The following NCOR2 variants were observed in gnomAD, a reference collection of about 807,000 sequenced individuals.
The protein encoded by NCOR2 is nuclear receptor corepressor 2.
NCOR2 carries 81 observed loss-of-function variants against 262.9 expected under a neutral mutation model. The observed-to-expected ratio is 0.31, with a 90% CI of 0.26 to 0.37. The LOEUF is 0.37. Ranked by LOEUF, NCOR2 falls within the 10% of genes least tolerant of loss-of-function variation. The pLI is 1.00. For synonymous variants in NCOR2, 1,659 were observed against 1,559.3 expected (o/e 1.06, Z -1.51); for missense variants, 3,385 against 3,621.4 (o/e 0.93, Z 1.68).
At chr12:124,384,416 T>G (rs2040639320) in intron 17 of NCOR2, among the ~76,000 whole-genome samples, 1 of 152,146 alleles carries the variant, frequency 6.6e-6, no homozygotes, top group African/African-American at 2.4e-5. Flanking sequence ...CAGGGGCCAA[T>G]GTGGAGGGCA....
intron 7 of NCOR2, among the ~76,000 whole-genome samples, chr12:124,448,851 C>T (rs1156887898): frequency 1.3e-5 from 2 of 152,200 alleles, no homozygotes; most frequent in African/African-American, 4.8e-5. Context: ...TCGGACCGGG[C>T]TGAACTACCC....
upstream of NCOR2, among the ~76,000 whole-genome samples, chr12:124,498,853 A>G (rs2048522675): frequency 6.6e-6 from 1 of 152,192 alleles, no homozygotes; most frequent in Non-Finnish European, 1.5e-5. Flanking sequence ...CATAACCAGA[A>G]AATGTCATGC....
At chr12:124,498,175 C>T (rs1424033398), upstream of NCOR2, among the ~76,000 whole-genome samples, 1 of 152,178 alleles carries the variant, frequency 6.6e-6, no homozygotes, top group African/African-American at 2.4e-5. Context: ...TTTTGAGTTG[C>T]ACAAGGTGGC....
intron 1 of NCOR2, among the ~76,000 whole-genome samples, chr12:124,500,373 C>A (rs747064421): frequency 7.2e-5 from 11 of 152,194 alleles, no homozygotes; most frequent in Non-Finnish European, 1.3e-4. Flanking sequence ...AAGTGCCCCC[C>A]GCCCCCACTG....
At chr12:124,520,099 C>A (rs1015112838) in intron 1 of NCOR2, among the ~76,000 whole-genome samples, 1 of 152,170 alleles carries the variant, frequency 6.6e-6, no homozygotes, top group Non-Finnish European at 1.5e-5. Flanking sequence ...GCTGCGGAGG[C>A]CCCTGGAAGC....
At chr12:124,499,794 G>A (rs7298780), upstream of NCOR2, among the ~76,000 whole-genome samples, 14 of 152,178 alleles carry the variant, frequency 9.2e-5, no homozygotes, top group African/African-American at 3.1e-4. Flanking sequence ...GGTTGCGGGG[G>A]AGAGTAAAGG....
chr12:124,562,370 C>G (rs2052100902), intron 1 of NCOR2: 2 of 152,212 alleles, frequency 1.3e-5, no homozygotes, highest in South Asian at 4.1e-4. Context: ...TCTTTCCCTC[C>G]CTTTTAAGAA....
intron 3 of NCOR2, among the ~76,000 whole-genome samples, chr12:124,480,719 G>A (rs916380825): frequency 6.6e-6 from 1 of 151,926 alleles, no homozygotes; most frequent in African/African-American, 2.4e-5. Flanking sequence ...AATGGCCACG[G>A]GCCAAGCACC....
intron 46 of NCOR2, among the ~76,000 whole-genome samples, chr12:124,325,878 C>T (rs1405730106): frequency 6.6e-6 from 1 of 152,130 alleles, no homozygotes; most frequent in Non-Finnish European, 1.5e-5. Context: ...TGAGCATTTC[C>T]CTTCCGAAAG....
chr12:124,484,435 C>T (rs557720389), intron 2 of NCOR2, among the ~76,000 whole-genome samples: 5 of 152,340 alleles, frequency 3.3e-5, no homozygotes, highest in African/African-American at 4.8e-5. Flanking sequence ...GCACACCCCA[C>T]GGAGCTGGGA....
At chr12:124,337,280 CT>C (rs1486429047) in intron 37 of NCOR2, 100 bp from the exon 40 acceptor site, 1 of 1,361,532 alleles carries the variant, frequency 7.3e-7, no homozygotes, top group Admixed American at 2.0e-5. Flanking sequence ...TCCACATCCC[CT>C]GCTGCTCCCA....
upstream of NCOR2, among the ~76,000 whole-genome samples, chr12:124,499,471 C>G (rs915027504): frequency 2.6e-5 from 4 of 151,426 alleles, no homozygotes; most frequent in Admixed American, 1.3e-4. Context: ...CCAGGAGATA[C>G]GAGGAAGAAG....
intron 16 of NCOR2, among the ~76,000 whole-genome samples, chr12:124,387,327 C>G (rs976641860): frequency 6.8e-6 from 1 of 148,062 alleles, no homozygotes; most frequent in Non-Finnish European, 1.5e-5. Context: ...ATCAACACAT[C>G]AGCCCGTGGC....
At chr12:124,489,174 T>C (rs952201489) in intron 1 of NCOR2, among the ~76,000 whole-genome samples, 1 of 151,872 alleles carries the variant, frequency 6.6e-6, no homozygotes, top group Non-Finnish European at 1.5e-5. Context: ...AGGGGTCCCA[T>C]GAGCTGGAAT....
At chr12:124,491,906 T>C (rs1002926909) in intron 1 of NCOR2, among the ~76,000 whole-genome samples, 22 of 152,074 alleles carry the variant, frequency 1.4e-4, no homozygotes, top group African/African-American at 5.1e-4. Flanking sequence ...CACAGAGGGA[T>C]GCGGCAGGTA....
At chr12:124,379,828 G>T (rs1313276135) in intron 17 of NCOR2, among the ~76,000 whole-genome samples, 2 of 152,250 alleles carry the variant, frequency 1.3e-5, no homozygotes, top group Non-Finnish European at 2.9e-5. Flanking sequence ...GAAGAAAAGG[G>T]AAACACGGAT....
chr12:124,428,329 G>A (rs569508269), intron 10 of NCOR2, among the ~76,000 whole-genome samples: 3 of 152,338 alleles, frequency 2.0e-5, no homozygotes, highest in African/African-American at 4.8e-5. Flanking sequence ...TCTGTTTTCT[G>A]TCAACTGGAT....
intron 1 of NCOR2, among the ~76,000 whole-genome samples, chr12:124,527,962 T>C (rs1335010033): frequency 1.3e-5 from 2 of 152,228 alleles, no homozygotes; most frequent in African/African-American, 4.8e-5. Flanking sequence ...TGTGGCCCCA[T>C]CTGTGCGGGG....
intron 1 of NCOR2, among the ~76,000 whole-genome samples, chr12:124,508,448 G>A (rs1479038303): frequency 3.3e-5 from 5 of 152,194 alleles, no homozygotes; most frequent in Admixed American, 6.5e-5. Context: ...TGATCCACCC[G>A]AAGAAGGGCA....
Sources: gnomAD v4.1 joint callset for allele counts (sites outside exome capture counted in the v4.1 genomes callset) on GRCh38, gnomAD v4.1.1 for gene constraint, MANE v1.5 for transcripts, NCBI Gene and HGNC (gene_info 2026-07-23, HGNC 2026-07-21) for gene names.